The following MVP variants were observed in gnomAD, a reference collection of about 807,000 sequenced individuals.
The protein encoded by MVP is lung resistance-related protein.
A neutral mutation model predicts 83.5 loss-of-function variants in MVP; 62 were observed. That is an observed-to-expected ratio of 0.74 (90% confidence interval 0.61 to 0.92). MVP has a LOEUF of 0.92. Among genes scored for constraint, MVP ranks in the 40% least tolerant of loss-of-function variants. MVP has a pLI of 0.00. For synonymous variants in MVP, 505 were observed against 504.1 expected (o/e 1.00, Z -0.02); for missense variants, 1,000 against 1,203.4 (o/e 0.83, Z 2.50).
Position 29,840,369 on chromosome 16 carries a change from A to G in MVP, c.1101A>G (p.Pro367=). The G allele has an allele frequency of 6.2e-7, 1 of 1,603,854 alleles. No individual in the cohort carries two copies. The highest frequency in any genetic ancestry group is 1.3e-5 in the African/African-American group (1 of 74,994). ...WLIRGPLEYV[P]SAKVEVVEER... ...TCCGCGGACCCCTGGAGTATGTGCC[A>G]TCTGCCAAAGTGGAGGTGGTGGAGG... The change falls in exon 8 of 15, where the codon CCA becomes CCG. Residue 367 remains proline, a synonymous_variant. Transcript: ENST00000357402.
chr16:29,846,948 TGGGA>T (rs750601100), intron 13 of MVP, among the ~76,000 whole-genome samples: 31 of 152,064 alleles, frequency 2.0e-4, no homozygotes, highest in Non-Finnish European at 3.2e-4. Context: ...AAAGCTGAGA[TGGGA>T]GGATCATTTG....
rs143854115 is a variant in MVP at position 29,840,423 on chromosome 16, C to G, written c.1155C>G (p.Asn385Lys). Residue 385 changes from asparagine to lysine, a missense_variant, in exon 8 of 15, where the codon AAC (asparagine) becomes AAG (lysine). By Grantham distance (94) the Asn-to-Lys change is moderately conservative. Transcript: ENST00000357402. ...GCCAGGCCATCCCTCTAGACGAGAACGAGGGCATCTATGTGCAGGATGTCA... is the reference window on the plus strand; with the variant it reads ...GCCAGGCCATCCCTCTAGACGAGAAGGAGGGCATCTATGTGCAGGATGTCA... ...EERQAIPLDE[N>K]EGIYVQDVKT... 3 of 1,580,274 alleles carry G rather than the reference C, an allele frequency of 1.9e-6. No homozygotes were observed. The African/African-American group carries it at 4.0e-5, about 21-fold the overall frequency.
At chr16:29,838,305 A>G (rs1475733907) in intron 7 of MVP, among the ~76,000 whole-genome samples, 1 of 152,036 alleles carries the variant, frequency 6.6e-6, no homozygotes, top group East Asian at 1.9e-4. Context: ...GCATGGTGTC[A>G]GGCACCTGTA....
chr16:29,836,761 T>C lies in MVP; in HGVS notation c.712T>C (p.Phe238Leu). 6.2e-7 allele frequency: 1 copy of C among 1,610,240 alleles called. No homozygotes were observed. Among genetic ancestry groups the C allele is most frequent in the Middle Eastern group, 1.7e-4 (1 of 6,052 alleles). ...CCGGGCTCGGCGGAACTTCCGGGAC[T>C]TCAGGGGAGTGTCCCGCCGCACTGG... ...HLRARRNFRD[F>L]RGVSRRTGEE... The change falls in exon 7 of 15, where the codon TTC becomes CTC. Residue 238 changes from phenylalanine (F) to leucine (L), a missense_variant. Physicochemically the swap from Phe to Leu is conservative, Grantham distance 22. Transcript: ENST00000357402.
chr16:29,822,103 T>TC (rs2067366768), intron 1 of MVP, among the ~76,000 whole-genome samples: 1 of 150,894 alleles, frequency 6.6e-6, no homozygotes, highest in Non-Finnish European at 1.5e-5. Context: ...TTTTTTTTTT[T>TC]AAAGAATTAT....
In MVP at chr16:29,840,205, G is replaced by C; in HGVS notation, c.937G>C (p.Gly313Arg). The change falls in exon 8 of 15, where the codon GGA becomes CGA. Residue 313 changes from glycine (G) to arginine (R), a missense_variant. Transcript: ENST00000357402. The stretch of plus-strand genomic sequence containing the variant: ...AGAGAAGTCTTTTTTCCTCCAGCCA[G>C]GAGAGCAGCTGGAACAAGGCATCCA... ...KGEKSFFLQP[G>R]EQLEQGIQDV... The C allele has an allele frequency of 6.2e-7, 1 of 1,612,390 alleles. No homozygotes were observed. The highest frequency in any genetic ancestry group is 8.5e-7 in the Non-Finnish European group (1 of 1,178,830).
chr16:29,846,791 G>T (rs1350991187), intron 13 of MVP, among the ~76,000 whole-genome samples: 2 of 151,940 alleles, frequency 1.3e-5, no homozygotes, highest in African/African-American at 4.8e-5. Context: ...CCCAGGAGGT[G>T]TGGAGGCTGC....
rs746493614 is a variant in MVP at position 29,844,756 on chromosome 16, T to C, written c.1898T>C (p.Leu633Pro). ...CAGGCTGTCTTCCCCCAAAACGGGC[T>C]GGTGGTCAGCAGTGTGGACGTGCAG... ...RDQAVFPQNG[L>P]VVSSVDVQSV... The change falls in exon 11 of 15, where the codon CTG (leucine) becomes CCG (proline). Residue 633 changes from leucine (L) to proline (P), a missense_variant. Leu to Pro is a moderately conservative substitution (Grantham distance 98, BLOSUM62 -3). Transcript: ENST00000357402. 6.2e-7 allele frequency: 1 copy of C among 1,612,158 alleles called. No individual in the cohort carries two copies. The highest frequency in any genetic ancestry group is 8.5e-7 in the Non-Finnish European group (1 of 1,179,986).
intron 2 of MVP, 78 bp from the exon 3 acceptor site, chr16:29,830,800 T>G: frequency 1.3e-6 from 2 of 1,553,568 alleles, no homozygotes; most frequent in Admixed American, 3.6e-5. Flanking sequence ...GATAGAGAGG[T>G]TTCTCTCTCA....
intron 10 of MVP, among the ~76,000 whole-genome samples, chr16:29,842,503 C>G (rs2067543834): frequency 6.6e-6 from 1 of 152,054 alleles, no homozygotes. Context: ...TGGGGTTTCT[C>G]CATGTTGGTC....
intron 1 of MVP, 53 bp from the exon 2 acceptor site, chr16:29,830,462 G>A (rs1159919809): frequency 7.3e-6 from 11 of 1,499,882 alleles, no homozygotes; most frequent in Non-Finnish European, 1.0e-5. Flanking sequence ...ATTCATGCCT[G>A]CCCCACCCCA....
intron 10 of MVP, among the ~76,000 whole-genome samples, chr16:29,842,829 C>T (rs959656088): frequency 1.3e-5 from 2 of 152,216 alleles, no homozygotes; most frequent in African/African-American, 2.4e-5. Flanking sequence ...GGTCAGGACT[C>T]AGGGATCCAG....
Position 29,841,009 on chromosome 16 carries a change from C to A in MVP, c.1191+550C>A, listed in dbSNP as rs1018483062. On this transcript the variant is annotated intron_variant, in intron 8 of 14. Coordinates refer to ENST00000357402, the MANE Select transcript of MVP (RefSeq NM_005115.5). This position sits in a 1 kb window ranked among gnomAD's most constrained non-coding sequence, Gnocchi z 4.7. ...GACAGGGACCCTTTCCCACAGCAGA[C>A]CTGGTTTCCAGCATAAAGGTCTGAT... Among the ~76,000 whole-genome samples the A allele has an allele frequency of 1.3e-5, 2 of 152,000 alleles. No homozygotes were observed. The highest frequency in any genetic ancestry group is 2.9e-5 in the Non-Finnish European group (2 of 68,008).
In MVP at chr16:29,833,965, T is replaced by C. The variant is rs773051873; in HGVS notation, c.476T>C (p.Val159Ala). 1.9e-6 allele frequency: 3 copies of C among 1,613,638 alleles called. No homozygotes were observed. Among genetic ancestry groups the C allele is most frequent in the Admixed American group, 1.7e-5 (1 of 59,956 alleles). Reference protein sequence around the residue: ...GTYIPRKEVEVVEIIQATIIR... With the variant: ...GTYIPRKEVEAVEIIQATIIR... ...TACATCCCCCGGAAGGAAGTGGAGG[T>C]CGTGGAGATCATTCAGGCCACCATC... The change falls in exon 5 of 15, where the codon GTC (valine) becomes GCC (alanine). Residue 159 changes from valine (V) to alanine (A), a missense_variant. Transcript: ENST00000357402.
At chr16:29,828,362 G>A (rs992239256) in intron 1 of MVP, among the ~76,000 whole-genome samples, 3 of 152,048 alleles carry the variant, frequency 2.0e-5, no homozygotes, top group Admixed American at 6.6e-5. Flanking sequence ...TCTATTGGAC[G>A]CTGCTGAGTA....
At chr16:29,822,123 C>T (rs1313040204) in intron 1 of MVP, among the ~76,000 whole-genome samples, 4 of 150,298 alleles carry the variant, frequency 2.7e-5, no homozygotes, top group Non-Finnish European at 5.9e-5. Context: ...TAGCTCAGTC[C>T]TATGATTAGG....
In MVP at chr16:29,828,101, C is replaced by T. The variant is rs979523545; in HGVS notation, c.-35-2414C>T. On this transcript the variant is annotated intron_variant, in intron 1 of 14. Coordinates refer to ENST00000357402, the MANE Select transcript of MVP (RefSeq NM_005115.5). ...TCAGCCTCCCAAATAGCTGGGATTA[C>T]AGGCACGTGCCACCATGCCCAGCTA... Among the ~76,000 whole-genome samples the T allele has an allele frequency of 7.3e-5, 11 of 150,640 alleles. 1 individual carries two copies. The highest frequency in any genetic ancestry group is 5.3e-4 in the Admixed American group (8 of 15,118).
chr16:29,841,690 A>AG lies in MVP; in HGVS notation c.1290dup (p.Gln431AlafsTer9). On this transcript the variant is annotated frameshift_variant, in exon 9 of 15. Transcript: ENST00000357402. LOFTEE classifies it high-confidence loss of function. The surrounding 1 kb of genome is among the most constrained non-coding windows in gnomAD (Gnocchi z 4.7). The stretch of plus-strand genomic sequence containing the variant: ...CCCGGGGTGGAGGAGCTGCTGAACA[A>AG]GGGGCAGGACCCTCTGGCAGACAGG... 6.2e-7 allele frequency: 1 copy of AG among 1,612,222 alleles called. No individual in the cohort carries two copies. The highest frequency in any genetic ancestry group is 8.5e-7 in the Non-Finnish European group (1 of 1,179,456).
chr16:29,830,372 C>A, intron 1 of MVP, 143 bp from the exon 2 acceptor site: 1 of 621,494 alleles, frequency 1.6e-6, no homozygotes, highest in Non-Finnish European at 2.8e-6. Context: ...GAGCAGTGGG[C>A]ATGCAGATGC....
Sources: gnomAD v4.1 joint callset for allele counts (sites outside exome capture counted in the v4.1 genomes callset) on GRCh38, gnomAD v4.1.1 for gene constraint, Gnocchi (gnomAD v3.1) non-coding constraint, MANE v1.5 for transcripts, NCBI Gene and HGNC (gene_info 2026-07-23, HGNC 2026-07-21) for gene names.